The following GRM7 variants were observed in gnomAD, a reference collection of about 807,000 sequenced individuals.
The protein encoded by GRM7 is glutamate metabotropic receptor 7.
A neutral mutation model predicts 84.5 loss-of-function variants in GRM7; 35 were observed. The ratio of observed to expected loss-of-function variants is 0.41; its 90% CI spans 0.32 to 0.55. The LOEUF is 0.55. Ranked by LOEUF, GRM7 falls within the 20% of genes least tolerant of loss-of-function variation. The pLI, the probability that GRM7 is intolerant of heterozygous loss-of-function variation, is 0.19. For missense variants in GRM7, 1,003 were observed against 1,194.6 expected (o/e 0.84, Z 2.36); for synonymous variants, 487 against 455.1 (o/e 1.07, Z -0.89).
rs1695725837 is a variant in GRM7 at position 7,020,187 on chromosome 3, A to G, written c.520-126265A>G. 3.9e-5 allele frequency among the ~76,000 whole-genome samples: 6 copies of G among 152,266 alleles called. No homozygotes were observed. The South Asian group carries it at 1.0e-3, about 26-fold the overall frequency. On this transcript the variant is annotated intron_variant, in intron 1 of 9. Coordinates refer to ENST00000357716, the MANE Select transcript of GRM7 (RefSeq NM_000844.4). ...CTAAAAAATGTGCAAATCTCCCAAT[A>G]CCCTATAGGATAATATGTTAAAAGG... is the stretch of plus-strand genomic sequence containing the variant.
intron 1 of GRM7, among the ~76,000 whole-genome samples, chr3:7,128,155 A>G (rs1194041863): frequency 1.3e-5 from 2 of 151,812 alleles, no homozygotes; most frequent in African/African-American, 2.4e-5. Context: ...ACTGGTGGAT[A>G]TAAAGTATTG....
chr3:6,913,623 G>A (rs1260709945), intron 1 of GRM7, among the ~76,000 whole-genome samples: 1 of 152,090 alleles, frequency 6.6e-6, no homozygotes, highest in Non-Finnish European at 1.5e-5. Context: ...TCATTTCTGG[G>A]TCTAGTTATA....
intron 1 of GRM7, among the ~76,000 whole-genome samples, chr3:6,962,128 C>T (rs1452028051): frequency 6.6e-6 from 1 of 152,136 alleles, no homozygotes; most frequent in Non-Finnish European, 1.5e-5. Flanking sequence ...ACTTTTGATA[C>T]CATATGAGCT....
intron 2 of GRM7, among the ~76,000 whole-genome samples, chr3:7,152,538 C>G (rs1694316629): frequency 6.6e-6 from 1 of 152,188 alleles, no homozygotes; most frequent in Non-Finnish European, 1.5e-5. Context: ...TACATATACT[C>G]TTTACCCCAC....
rs566130613 is a variant in GRM7 at position 7,348,155 on chromosome 3, G to A, written c.1033+41503G>A. Reference sequence around the variant, plus strand: ...TGACTTTTATCGGCCTAGGTCATCTGTTGCTTAGAAACTGCCTTTTTGGTT... The same window carrying A: ...TGACTTTTATCGGCCTAGGTCATCTATTGCTTAGAAACTGCCTTTTTGGTT... On this transcript the variant is annotated intron_variant, in intron 4 of 9. Coordinates refer to ENST00000357716, the MANE Select transcript of GRM7 (RefSeq NM_000844.4). Among the ~76,000 whole-genome samples, 5 of 152,192 alleles carry A rather than the reference G, an allele frequency of 3.3e-5. No individual in the cohort carries two copies. In the South Asian group the frequency reaches 6.2e-4, roughly 19 times the overall value.
chr3:7,465,585 TC>T (rs1698429860), intron 7 of GRM7, among the ~76,000 whole-genome samples: 1 of 152,194 alleles, frequency 6.6e-6, no homozygotes. Flanking sequence ...TATTAAATGT[TC>T]TGTGAGAGTG....
At chr3:7,109,773 T>G (rs560972557) in intron 1 of GRM7, among the ~76,000 whole-genome samples, 1 of 152,156 alleles carries the variant, frequency 6.6e-6, no homozygotes, top group African/African-American at 2.4e-5. Context: ...TAAAATTATG[T>G]GCAGGTAATA....
chr3:7,249,710 A>G (rs1697907256), intron 2 of GRM7, among the ~76,000 whole-genome samples: 1 of 152,212 alleles, frequency 6.6e-6, no homozygotes, highest in Non-Finnish European at 1.5e-5. Flanking sequence ...ATGAAAAAAA[A>G]ACTGTGGAAA....
chr3:7,144,362 G>A (rs1432984269), intron 1 of GRM7, among the ~76,000 whole-genome samples: 1 of 152,032 alleles, frequency 6.6e-6, no homozygotes, highest in East Asian at 1.9e-4. Context: ...ATTAGATAAG[G>A]CAATGCATAT....
At chr3:6,894,926 A>T (rs917724410) in intron 1 of GRM7, among the ~76,000 whole-genome samples, 1 of 152,214 alleles carries the variant, frequency 6.6e-6, no homozygotes, top group African/African-American at 2.4e-5. Context: ...GTCTAAGTGT[A>T]ATAAACAGAG....
At position 7,660,860 on chromosome 3, in the gene GRM7, A is replaced by G. The variant is rs557367433; in HGVS notation, c.2452-19189A>G. Among the ~76,000 whole-genome samples, 5 of 120,836 alleles carry G rather than the reference A, an allele frequency of 4.1e-5. No homozygotes were observed. The East Asian group carries it at 7.9e-4, about 19-fold the overall frequency. 79.3% of individuals were successfully genotyped at this position (120,836 alleles called of 152,430 possible). On this transcript the variant is annotated intron_variant, in intron 8 of 9. Coordinates refer to ENST00000357716, the MANE Select transcript of GRM7 (RefSeq NM_000844.4). ...TGGTCTTGGCAAAGGCAGAAGGGCA[A>G]TACAATGAATAAGAATAGCTTTTTC...
At chr3:6,884,610 T>A (rs1229982353) in intron 1 of GRM7, among the ~76,000 whole-genome samples, 1 of 152,120 alleles carries the variant, frequency 6.6e-6, no homozygotes, top group Non-Finnish European at 1.5e-5. Context: ...CTCTTTATTT[T>A]TTTTTCTGAG....
chr3:7,285,456 T>C (rs1215814783), intron 2 of GRM7, among the ~76,000 whole-genome samples: 2 of 152,094 alleles, frequency 1.3e-5, no homozygotes, highest in Non-Finnish European at 2.9e-5. Context: ...GACAATCAAA[T>C]AGGGCCTAAT....
intron 8 of GRM7, among the ~76,000 whole-genome samples, chr3:7,620,573 C>G (rs926181128): frequency 6.6e-6 from 1 of 152,066 alleles, no homozygotes; most frequent in African/African-American, 2.4e-5. Flanking sequence ...TACACCATAC[C>G]AGGCAGTGCG....
At chr3:7,279,703 A>G (rs1442494071) in intron 2 of GRM7, among the ~76,000 whole-genome samples, 1 of 152,202 alleles carries the variant, frequency 6.6e-6, no homozygotes, top group Non-Finnish European at 1.5e-5. Flanking sequence ...CTCTACTTCC[A>G]TAAGACACAG....
chr3:7,510,026 C>A (rs569334206), intron 7 of GRM7, among the ~76,000 whole-genome samples: 29 of 152,268 alleles, frequency 1.9e-4, no homozygotes, highest in African/African-American at 7.0e-4. Flanking sequence ...CAAAAATTGC[C>A]TTAAACCAAG....
intron 4 of GRM7, among the ~76,000 whole-genome samples, chr3:7,340,851 G>T (rs1701609604): frequency 6.6e-6 from 1 of 152,108 alleles, no homozygotes; most frequent in Admixed American, 6.6e-5. Context: ...AATTATCTTT[G>T]CAATGTGTTC....
intron 1 of GRM7, among the ~76,000 whole-genome samples, chr3:6,926,555 C>T (rs1007111679): frequency 3.3e-5 from 5 of 152,272 alleles, no homozygotes; most frequent in Non-Finnish European, 5.9e-5. Flanking sequence ...GCTTCTCCTG[C>T]GAAGAGGATA....
At chr3:7,597,356 A>G (rs1023891195) in intron 8 of GRM7, among the ~76,000 whole-genome samples, 1 of 152,154 alleles carries the variant, frequency 6.6e-6, no homozygotes, top group African/African-American at 2.4e-5. Flanking sequence ...ACCAGGCCCC[A>G]TCTCCCACAC....
Sources: gnomAD v4.1 joint callset for allele counts (sites outside exome capture counted in the v4.1 genomes callset) on GRCh38, gnomAD v4.1.1 for gene constraint, MANE v1.5 for transcripts, NCBI Gene and HGNC (gene_info 2026-07-23, HGNC 2026-07-21) for gene names.